The following FOXD4L1 variants were observed in gnomAD, a reference collection of about 807,000 sequenced individuals.
FOXD4L1 encodes the protein forkhead box D4 like 1.
A neutral mutation model predicts 24.8 loss-of-function variants in FOXD4L1; 10 were observed. The ratio of observed to expected loss-of-function variants is 0.40; its 90% CI spans 0.25 to 0.68. The LOEUF (loss-of-function observed/expected upper bound fraction) is 0.68, where lower values mean the gene tolerates loss of function less well. Ranked by LOEUF, FOXD4L1 falls within the 30% of genes least tolerant of loss-of-function variation. The pLI is 0.37. For missense variants in FOXD4L1, 364 were observed against 572.4 expected (o/e 0.64, Z 3.72); for synonymous variants, 159 against 256.4 (o/e 0.62, Z 3.63).
rs762583395 is a variant in FOXD4L1 at position 113,499,812 on chromosome 2, G to A, written c.556G>A (p.Ala186Thr). 5.2e-6 allele frequency: 8 copies of A among 1,543,556 alleles called. 1 individual carries two copies. The highest frequency in any genetic ancestry group is 1.4e-5 in the African/African-American group (1 of 72,008). ...GGGCACCTACTGGAGCCTGGACCCC[G>A]CCTCCCAGGACATGTTCGACAATGG... Residue 186 changes from alanine to threonine, a missense_variant, in exon 1 of 1, where the codon GCC (alanine) becomes ACC (threonine). Ala to Thr is a moderately conservative substitution (Grantham distance 58, BLOSUM62 0). Coordinates refer to ENST00000306507, the Ensembl canonical transcript of FOXD4L1.
chr2:113,499,247 C>T, exon 1 of FOXD4L1: 1 of 1,611,720 alleles, frequency 6.2e-7, no homozygotes. Context: ...ACTGAAGCAC[C>T]TGCTCCGCCA....
exon 1 of FOXD4L1, chr2:113,499,076 G>A (rs1337940590): frequency 2.8e-6 from 3 of 1,082,060 alleles, no homozygotes; most frequent in South Asian, 1.6e-5. Context: ...TTTATAAAAG[G>A]CAAAGGCATC....
rs1487422588 is a variant in FOXD4L1, at chr2:113,499,932, G to A, written c.676G>A (p.Ala226Thr). 4 of 1,555,896 alleles carry A rather than the reference G, an allele frequency of 2.6e-6. 1 individual carries two copies. The highest frequency in any genetic ancestry group is 4.5e-4 in the Middle Eastern group (2 of 4,396). ...CTTCCCTCTACCTGCTGCACACGCCGCCCTGCACAACCCCCGCCCAGGCCC... is the reference window on the plus strand; with the variant it reads ...CTTCCCTCTACCTGCTGCACACGCCACCCTGCACAACCCCCGCCCAGGCCC... The change falls in exon 1 of 1, where the codon GCC (alanine) becomes ACC (threonine). Residue 226 changes from alanine (A) to threonine (T), a missense_variant. Ala to Thr is a moderately conservative substitution (Grantham distance 58). Coordinates refer to ENST00000306507, the Ensembl canonical transcript of FOXD4L1.
chr2:113,499,670 T>A, exon 1 of FOXD4L1: 1 of 1,611,184 alleles, frequency 6.2e-7, no homozygotes, highest in Non-Finnish European at 8.5e-7. Context: ...CCTTCATTAG[T>A]GGCCGCTTCC....
Position 113,500,354 on chromosome 2 carries a change from A to C in FOXD4L1, c.1098A>C (p.Ala366=), listed in dbSNP as rs763669222. The C allele has an allele frequency of 7.2e-6, 11 of 1,519,718 alleles. 4 individuals are homozygous for C. The East Asian group carries it at 3.3e-4, about 46-fold the overall frequency. The allele number at this position is 1,519,718 out of a possible 1,614,324, so 94.1% of individuals were successfully genotyped here. Reference sequence around the variant, plus strand: ...CGTCAAGCCTGTCGGACAATTTTGCAGCAACAGCAGCAGCATCAGGAGGAG... The same window carrying C: ...CGTCAAGCCTGTCGGACAATTTTGCCGCAACAGCAGCAGCATCAGGAGGAG... The change falls in exon 1 of 1, where the codon GCA becomes GCC. Residue 366 remains alanine, a synonymous_variant. Transcript: ENST00000306507.
At chr2:113,500,827 A>G in exon 1 of FOXD4L1, 1 of 532,678 alleles carries the variant, frequency 1.9e-6, no homozygotes, top group East Asian at 5.2e-5. Flanking sequence ...GGATTTGCAC[A>G]TTTCCTGGGG....
exon 1 of FOXD4L1, chr2:113,500,873 T>C (rs1682433971): frequency 2.5e-6 from 1 of 392,586 alleles, no homozygotes; most frequent in Non-Finnish European, 4.5e-6. Context: ...TGTTCTGGCA[T>C]TAGAAGAAAA....
chr2:113,500,425 G>C lies in FOXD4L1; in HGVS notation c.1169G>C (p.Arg390Pro), dbSNP rs148589183. 305 of 1,518,982 alleles carry C rather than the reference G, an allele frequency of 2.0e-4. 51 individuals are homozygous for C. The African/African-American group carries it at 3.3e-3, about 16-fold the overall frequency. 94.1% of individuals were successfully genotyped at this position (1,518,982 alleles called of 1,614,324 possible). ...TCCCACCAAGGGCGCGGTGCTGGGC[G>C]GGCACCTGTCGGCCGCGTCGGCGCT... Residue 390 changes from arginine (R) to proline (P), a missense_variant, in exon 1 of 1, where the codon CGG becomes CCG. By Grantham distance (103) the Arg-to-Pro change is moderately radical. Coordinates refer to ENST00000306507, the Ensembl canonical transcript of FOXD4L1.
exon 1 of FOXD4L1, chr2:113,499,182 A>C (rs2748031): frequency 1.3e-6 from 2 of 1,581,712 alleles, no homozygotes; most frequent in South Asian, 1.1e-5. Context: ...CATTCATCCC[A>C]GGCTTCCAGC....
rs1159460341 is a variant in FOXD4L1 at position 113,499,445 on chromosome 2, G to C, written c.189G>C (p.Arg63=). The C allele has an allele frequency of 5.7e-6, 9 of 1,588,172 alleles. 1 individual carries two copies. Among genetic ancestry groups the C allele is most frequent in the Non-Finnish European group, 7.7e-6 (9 of 1,166,122 alleles). The change falls in exon 1 of 1, where the codon CGG becomes CGC. Residue 63 remains arginine (R), a synonymous_variant. Transcript: ENST00000306507. ...TCCAGCCGGGGCTGCAGGTGGCCCGGTGGGGCGGGGTTGCGCTTCCCCGAG... is the reference window on the plus strand; with the variant it reads ...TCCAGCCGGGGCTGCAGGTGGCCCGCTGGGGCGGGGTTGCGCTTCCCCGAG...
chr2:113,499,478 C>G (rs765614433), exon 1 of FOXD4L1: 1 of 1,524,970 alleles, frequency 6.6e-7, no homozygotes, highest in Middle Eastern at 2.3e-4. Context: ...GAGAGCACAT[C>G]GAGGGCGGCG....
chr2:113,499,344 C>G lies in FOXD4L1; in HGVS notation c.88C>G (p.Leu30Val), dbSNP rs1335618067. The G allele has an allele frequency of 5.6e-6, 9 of 1,610,404 alleles. No homozygotes were observed. In the South Asian group the frequency reaches 9.9e-5, roughly 18 times the overall value. ...TGGGGAAGACGGTAAAATCGATGTC[C>G]TGGGAGAGGAGGAAGATGAAGACGA... Residue 30 changes from leucine to valine, a missense_variant, in exon 1 of 1, where the codon CTG becomes GTG. Physicochemically the swap from Leu to Val is conservative, Grantham distance 32. Transcript: ENST00000306507.
exon 1 of FOXD4L1, chr2:113,499,751 C>A (rs529091803): frequency 1.9e-6 from 3 of 1,604,070 alleles, no homozygotes; most frequent in African/African-American, 2.7e-5. Context: ...ACGACTGCTT[C>A]GTCAAGATCC....
chr2:113,501,128 C>A (rs1489389615), exon 1 of FOXD4L1: 6 of 93,188 alleles, frequency 6.4e-5, no homozygotes, highest in African/African-American at 3.1e-4. Flanking sequence ...GTTATATAGA[C>A]GAAATAAAAT....
chr2:113,499,570 C>A, exon 1 of FOXD4L1: 2 of 1,609,470 alleles, frequency 1.2e-6, no homozygotes, highest in Non-Finnish European at 1.7e-6. Context: ...GCCCGGCAGC[C>A]GGCAAAGCCC....
chr2:113,499,463 T>G (rs775641913), exon 1 of FOXD4L1: 1 of 1,571,996 alleles, frequency 6.4e-7, no homozygotes. Flanking sequence ...GGGTTGCGCT[T>G]CCCCGAGAGC....
exon 1 of FOXD4L1, chr2:113,499,427 G>C: frequency 1.9e-6 from 3 of 1,603,760 alleles, no homozygotes; most frequent in Non-Finnish European, 2.5e-6. Flanking sequence ...CGCTCCAGCC[G>C]GGGCTGCAGG....
rs141314496 is a variant in FOXD4L1, at chr2:113,500,373, G to A, written c.1117G>A (p.Gly373Arg). Residue 373 changes from glycine to arginine, a missense_variant, in exon 1 of 1, where the codon GGA becomes AGA. Coordinates refer to ENST00000306507, the Ensembl canonical transcript of FOXD4L1. The stretch of plus-strand genomic sequence containing the variant: ...TTTTGCAGCAACAGCAGCAGCATCA[G>A]GAGGAGGACTGCGCCAACGGCTGCG... The A allele has an allele frequency of 2.4e-5, 37 of 1,519,650 alleles. 7 individuals are homozygous for A. The highest frequency in any genetic ancestry group is 1.4e-4 in the African/African-American group (10 of 72,094). The allele number at this position is 1,519,650 out of a possible 1,614,324, so 94.1% of individuals were successfully genotyped here. A position where few individuals can be genotyped will look rare whatever the true frequency, so the allele number is the denominator to read the frequency against.
rs1424245639 is a variant in FOXD4L1 at position 113,499,870 on chromosome 2, G to A, written c.614G>A (p.Arg205His). Residue 205 changes from arginine (R) to histidine (H), a missense_variant, in exon 1 of 1, where the codon CGC becomes CAC. Transcript: ENST00000306507. ...CTCCGGCGTAGGAAGCGTTTCAAGC[G>A]CCACCAACTGACCCCGGGAGCCCAC... The A allele has an allele frequency of 1.1e-5, 18 of 1,581,552 alleles. 1 individual carries two copies. The highest frequency in any genetic ancestry group is 1.5e-5 in the Non-Finnish European group (17 of 1,164,646).
Sources: gnomAD v4.1 joint callset for allele counts on GRCh38, gnomAD v4.1.1 for gene constraint, MANE v1.5 for transcripts, NCBI Gene and HGNC (gene_info 2026-07-23, HGNC 2026-07-21) for gene names.